The following KLF16 variants were observed in gnomAD, a reference collection of about 807,000 sequenced individuals.
KLF16 encodes the protein Krueppel-like factor 16.
A neutral mutation model predicts 6.1 loss-of-function variants in KLF16; 6 were observed. The ratio of observed to expected loss-of-function variants is 0.98; its 90% CI spans 0.54 to 1.93. The LOEUF is 1.93. KLF16 is among the 30% of genes most tolerant of loss of function. The pLI, the probability that KLF16 is intolerant of heterozygous loss-of-function variation, is 0.01. For missense variants in KLF16, 355 were observed against 363.8 expected, an observed-to-expected ratio of 0.98 and a Z score of 0.20; for synonymous variants, 211 against 176.5, an observed-to-expected ratio of 1.20 and a Z score of -1.55.
chr19:1,859,878 G>A (rs972915302), intron 1 of KLF16, among the ~76,000 whole-genome samples: 1 of 152,114 alleles, frequency 6.6e-6, no homozygotes, highest in Non-Finnish European at 1.5e-5. Context: ...TGTCACGACT[G>A]GGGAGGGGGT....
At chr19:1,865,720 C>A (rs544661657), upstream of KLF16, among the ~76,000 whole-genome samples, 1 of 152,172 alleles carries the variant, frequency 6.6e-6, no homozygotes, top group Non-Finnish European at 1.5e-5. Context: ...GGTGAGGGCA[C>A]ACAGCCCACA....
At chr19:1,860,035 G>C (rs1568733342) in intron 1 of KLF16, among the ~76,000 whole-genome samples, 2 of 151,478 alleles carry the variant, frequency 1.3e-5, no homozygotes. Context: ...ACCCTTCCAG[G>C]TCTGAGCCCC....
In KLF16 at chr19:1,863,141, C is replaced by T; in HGVS notation, c.357G>A (p.Ala119=). 1 of 1,325,360 alleles carries T rather than the reference C, an allele frequency of 7.5e-7. No individual in the cohort carries two copies. The highest frequency in any genetic ancestry group is 9.8e-7 in the Non-Finnish European group (1 of 1,020,012). The allele number at this position is 1,325,360 out of a possible 1,614,324, so 82.1% of individuals were successfully genotyped here. A position where few individuals can be genotyped will look rare whatever the true frequency, so the allele number is the denominator to read the frequency against. ...SPSSGRAPGA[A]PSAAAKSHRC... ...GGTGGCTCTTGGCGGCGGCGGAGGG[C>T]GCGGCGCCGGGGGCGCGGCCCGAGG... Residue 119 remains alanine (A), a synonymous_variant, in exon 1 of 2, where the codon GCG becomes GCA. Transcript: ENST00000250916.
chr19:1,875,131 T>C, the KLF16 span: 1 of 152,248 alleles, frequency 6.6e-6, no homozygotes, highest in Admixed American at 6.5e-5. Context: ...ACCACCCCTT[T>C]AGGGGCCTAA....
chr19:1,866,857 G>A (rs1321154704), upstream of KLF16, among the ~76,000 whole-genome samples: 3 of 151,118 alleles, frequency 2.0e-5, no homozygotes, highest in African/African-American at 7.3e-5. Flanking sequence ...GAGAACAGCC[G>A]GCTCCTGCTC....
At position 1,856,955 on chromosome 19, in the gene KLF16, T is replaced by C. The variant is rs111968329; in HGVS notation, c.458-2195A>G. On this transcript the variant is annotated intron_variant, in intron 1 of 1. Coordinates refer to ENST00000250916, the MANE Select transcript of KLF16 (RefSeq NM_031918.4). ...TGCAAGGAGGAGCAGGTTGCCGGGGTGGGGGGGGCGACCGGGGCAGGGGCG... is the reference window on the plus strand; with the variant it reads ...TGCAAGGAGGAGCAGGTTGCCGGGGCGGGGGGGGCGACCGGGGCAGGGGCG... Among the ~76,000 whole-genome samples, 28 of 25,546 alleles carry C rather than the reference T, an allele frequency of 1.1e-3. 6 individuals carry two copies. The highest frequency in any genetic ancestry group is 2.8e-3 in the East Asian group (3 of 1,080). 16.8% of individuals were successfully genotyped at this position (25,546 alleles called of 152,430 possible).
chr19:1,860,672 CA>C (rs1172109891), intron 1 of KLF16, among the ~76,000 whole-genome samples: 4 of 152,060 alleles, frequency 2.6e-5, no homozygotes, highest in Admixed American at 1.3e-4. Flanking sequence ...GGCTCCCTCC[CA>C]AAAAAACGCA....
rs779431438 is a variant in KLF16, at chr19:1,854,635, G to A, written c.583C>T (p.Arg195Cys). The A allele has an allele frequency of 6.3e-6, 10 of 1,599,248 alleles. No homozygotes were observed. The highest frequency in any genetic ancestry group is 2.2e-5 in the East Asian group (1 of 44,846). ...KRFSCPLCSK[R>C]FTRSDHLAKH... ...GCCAGGTGGTCACTGCGGGTGAAGC[G>A]CTTGGAGCACAGAGGGCAGGAGAAG... Residue 195 changes from arginine to cysteine, a missense_variant, in exon 2 of 2, where the codon CGC becomes TGC. By Grantham distance (180) the Arg-to-Cys change is radical. Coordinates refer to ENST00000250916, the MANE Select transcript of KLF16 (RefSeq NM_031918.4).
chr19:1,873,451 G>A, the KLF16 span, among the ~76,000 whole-genome samples: 3 of 151,940 alleles, frequency 2.0e-5, no homozygotes, highest in African/African-American at 4.8e-5. Flanking sequence ...CCCGGGCTCC[G>A]GGTACCAGAG....
upstream of KLF16, among the ~76,000 whole-genome samples, chr19:1,865,318 T>G (rs1371887184): frequency 6.6e-6 from 1 of 152,234 alleles, no homozygotes; most frequent in Non-Finnish European, 1.5e-5. Context: ...GGGCCTCTGT[T>G]GTCTTTGAAC....
chr19:1,856,956 G>GC lies in KLF16; in HGVS notation c.458-2197_458-2196insG. On this transcript the variant is annotated intron_variant, in intron 1 of 1. Transcript: ENST00000250916. ...GCAAGGAGGAGCAGGTTGCCGGGGTGGGGGGGGCGACCGGGGCAGGGGCGC... is the reference window on the plus strand; with the variant it reads ...GCAAGGAGGAGCAGGTTGCCGGGGTGCGGGGGGGCGACCGGGGCAGGGGCGC... Among the ~76,000 whole-genome samples, 116 of 56,984 alleles carry GC rather than the reference G, an allele frequency of 2.0e-3. 31 individuals are homozygous for GC. Among genetic ancestry groups the GC allele is most frequent in the African/African-American group, 5.0e-3 (115 of 23,114 alleles). 37.4% of individuals were successfully genotyped at this position (56,984 alleles called of 152,430 possible).
At chr19:1,865,161 G>A (rs899036988), upstream of KLF16, among the ~76,000 whole-genome samples, 15 of 152,220 alleles carry the variant, frequency 9.9e-5, no homozygotes, top group Non-Finnish European at 1.9e-4. Flanking sequence ...GGACAGAGCG[G>A]AGCCGAGAGA....
chr19:1,875,187 T>C, the KLF16 span: 1 of 152,064 alleles, frequency 6.6e-6, no homozygotes, highest in Non-Finnish European at 1.5e-5. Context: ...CCTAAGAAAA[T>C]AGTCCGACTT....
In KLF16 at chr19:1,863,485, C is replaced by G; in HGVS notation, c.13G>C (p.Val5Leu). 1 of 1,022,546 alleles carries G rather than the reference C, an allele frequency of 9.8e-7. No homozygotes were observed. 63.3% of individuals were successfully genotyped at this position (1,022,546 alleles called of 1,614,324 possible). A position where few individuals can be genotyped will look rare whatever the true frequency, so the allele number is the denominator to read the frequency against. ...GCGGCGAAGTAATCCACGCACGCCA[C>G]GGCCGCCGACATGCCGAGCAAGGGC... MSAA[V>L]ACVDYFAADV... The change falls in exon 1 of 2, where the codon GTG becomes CTG. Residue 5 changes from valine (V) to leucine (L), a missense_variant. Physicochemically the swap from Val to Leu is conservative, Grantham distance 32 (BLOSUM62 1). Transcript: ENST00000250916.
At chr19:1,875,514 A>G in the KLF16 span, 2 of 152,248 alleles carry the variant, frequency 1.3e-5, no homozygotes, top group African/African-American at 4.8e-5. Context: ...AGGACTGGGA[A>G]AAACACATCA....
At chr19:1,874,434 C>T in the KLF16 span, among the ~76,000 whole-genome samples, 5 of 151,940 alleles carry the variant, frequency 3.3e-5, no homozygotes, top group East Asian at 7.7e-4. Context: ...TTGCTTCCTA[C>T]CTTACTCCTT....
At chr19:1,858,008 GC>G (rs1368227938) in intron 1 of KLF16, among the ~76,000 whole-genome samples, 4 of 151,686 alleles carry the variant, frequency 2.6e-5, no homozygotes, top group African/African-American at 9.7e-5. Flanking sequence ...CACCCACTCT[GC>G]CCCTAGCTCC....
Position 1,863,102 on chromosome 19 carries a change from C to A in KLF16, c.396G>T (p.Pro132=). 1 of 1,396,060 alleles carries A rather than the reference C, an allele frequency of 7.2e-7. No homozygotes were observed. Among genetic ancestry groups the A allele is most frequent in the Non-Finnish European group, 9.5e-7 (1 of 1,056,096 alleles). The allele number at this position is 1,396,060 out of a possible 1,614,324, so 86.5% of individuals were successfully genotyped here. Residue 132 remains proline, a synonymous_variant, in exon 1 of 2, where the codon CCG becomes CCT. Transcript: ENST00000250916. Reference sequence around the variant, plus strand: ...ACTTGTAGTAGGCTTTGGCGCAGTCCGGGAAGGGACAGCGGTGGCTCTTGG... The same window carrying A: ...ACTTGTAGTAGGCTTTGGCGCAGTCAGGGAAGGGACAGCGGTGGCTCTTGG... ...AAAKSHRCPF[P]DCAKAYYKSS... is the part of the protein sequence containing the mutation.
At chr19:1,856,845 G>C (rs1293109437) in intron 1 of KLF16, among the ~76,000 whole-genome samples, 1 of 152,058 alleles carries the variant, frequency 6.6e-6, no homozygotes, top group Non-Finnish European at 1.5e-5. Context: ...AACATCCCAC[G>C]GCTGGGTGCC....
Sources: allele counts gnomAD v4.1 joint callset (sites outside exome capture counted in the v4.1 genomes callset), GRCh38; gene constraint gnomAD v4.1.1; transcripts MANE v1.5; gene names NCBI Gene and HGNC (gene_info 2026-07-23, HGNC 2026-07-21).